Variants in LARP1 observed in about 807,000 individuals in gnomAD.
LARP1 encodes the protein la-related protein 1.
A neutral mutation model predicts 122.7 loss-of-function variants in LARP1; 36 were observed. That is an observed-to-expected ratio of 0.29 (90% CI 0.22 to 0.39). The LOEUF (loss-of-function observed/expected upper bound fraction) is 0.39. Among genes scored for constraint, LARP1 ranks in the 10% least tolerant of loss-of-function variants. The pLI, the probability that LARP1 is intolerant of heterozygous loss-of-function variation, is 1.00. For missense variants in LARP1, 1,040 were observed against 1,403.6 expected, an observed-to-expected ratio of 0.74 and a Z score of 4.14; for synonymous variants, 539 against 528.7, an observed-to-expected ratio of 1.02 and a Z score of -0.27.
chr5:154,786,666 A>C, intron 1 of LARP1: 1 of 312,854 alleles, frequency 3.2e-6, no homozygotes, highest in Non-Finnish European at 6.5e-6. Flanking sequence ...AAGGCTTTTG[A>C]CCCATTCCTC....
chr5:154,814,127 G>A lies in LARP1; in HGVS notation c.*31G>A. The A allele has an allele frequency of 8.7e-6, 14 of 1,601,534 alleles. No homozygotes were observed. Among genetic ancestry groups the A allele is most frequent in the Non-Finnish European group, 1.2e-5 (14 of 1,170,838 alleles). On this transcript the variant is annotated 3_prime_UTR_variant, in exon 19 of 19. Transcript: ENST00000518297. Reference sequence around the variant, plus strand: ...TCCTTAGCCCTGGGGCTTGAGGGGGGAAAGGGGTAGGGTGGGTAAGAGTCC... The same window carrying A: ...TCCTTAGCCCTGGGGCTTGAGGGGGAAAAGGGGTAGGGTGGGTAAGAGTCC...
At chr5:154,711,931 A>G (rs962527030), upstream of LARP1, among the ~76,000 whole-genome samples, 48 of 152,230 alleles carry the variant, frequency 3.2e-4, no homozygotes, top group African/African-American at 1.1e-3. Context: ...GGGCCTCCTG[A>G]CCACATCATT....
At chr5:154,710,551 G>A (rs1207209426), upstream of LARP1, among the ~76,000 whole-genome samples, 1 of 151,988 alleles carries the variant, frequency 6.6e-6, no homozygotes, top group Admixed American at 6.6e-5. Flanking sequence ...AGACCAGCCT[G>A]ACCGACATGG....
At chr5:154,704,988 T>C (rs906049715) in intron 1 of LARP1, among the ~76,000 whole-genome samples, 3 of 150,656 alleles carry the variant, frequency 2.0e-5, no homozygotes, top group African/African-American at 7.3e-5. Flanking sequence ...CCTGGTGGCA[T>C]GCGCCTGTAA....
chr5:154,795,439 C>G (rs1349889639), intron 8 of LARP1, 120 bp downstream of exon 8: 4 of 969,648 alleles, frequency 4.1e-6, no homozygotes, highest in African/African-American at 1.6e-5. Context: ...GCTGAAGTCT[C>G]AAGGCTTGGC....
chr5:154,699,335 T>G (rs1582157550), intron 1 of LARP1, among the ~76,000 whole-genome samples: 1 of 152,102 alleles, frequency 6.6e-6, no homozygotes, highest in Non-Finnish European at 1.5e-5. Context: ...AGATTCAAAT[T>G]TTGTAAGACT....
At chr5:154,713,071 C>T in exon 1 of LARP1, 2 of 1,614,128 alleles carry the variant, frequency 1.2e-6, no homozygotes, top group Non-Finnish European at 1.7e-6. Context: ...AGGAAGGAGC[C>T]CACAGGTGAC....
intron 1 of LARP1, among the ~76,000 whole-genome samples, chr5:154,747,489 C>T (rs1753257801): frequency 6.6e-6 from 1 of 151,336 alleles, no homozygotes; most frequent in African/African-American, 2.4e-5. Flanking sequence ...GGTGGATCAC[C>T]TGAGGTCGGG....
intron 1 of LARP1, among the ~76,000 whole-genome samples, chr5:154,745,311 T>C (rs1165244264): frequency 6.6e-6 from 1 of 152,228 alleles, no homozygotes; most frequent in Non-Finnish European, 1.5e-5. Context: ...TTTCTGAGCC[T>C]CAGTGTCCTC....
At position 154,802,573 on chromosome 5, in the gene LARP1, G is replaced by A. The variant is rs970903018; in HGVS notation, c.2109+174G>A. 2.2e-4 allele frequency among the ~76,000 whole-genome samples: 33 copies of A among 152,320 alleles called. No homozygotes were observed. The highest frequency in any genetic ancestry group is 7.7e-4 in the African/African-American group (32 of 41,568). ...CATCTAGCTTGGGCATTAGGAGTGA[G>A]GGGTGATGTGTAAACACTGCAAACT... On this transcript the variant is annotated intron_variant, in intron 11 of 18. Transcript: ENST00000518297. This position sits in a 1 kb window ranked among gnomAD's most constrained non-coding sequence, Gnocchi z 5.1.
At chr5:154,765,083 G>A (rs1754824241) in intron 1 of LARP1, among the ~76,000 whole-genome samples, 1 of 152,082 alleles carries the variant, frequency 6.6e-6, no homozygotes, top group Admixed American at 6.5e-5. Context: ...TCTTAGCAGA[G>A]TAAAATTCAG....
In LARP1 at chr5:154,803,258, A is replaced by G. The variant is rs1280502380; in HGVS notation, c.2110-32A>G. ...AGGCTAGAGCAGCCTGCTTACTTAC[A>G]TCTTTCCCCACTCATCTCATGACCT... On this transcript the variant is annotated intron_variant, in intron 11 of 18. Transcript: ENST00000518297. This position sits in a 1 kb window ranked among gnomAD's most constrained non-coding sequence, Gnocchi z 4.4. The G allele has an allele frequency of 2.5e-6, 4 of 1,614,060 alleles. No homozygotes were observed. The highest frequency in any genetic ancestry group is 4.5e-5 in the East Asian group (2 of 44,872).
intron 15 of LARP1, among the ~76,000 whole-genome samples, chr5:154,806,976 C>T (rs1032920465): frequency 6.6e-6 from 1 of 152,188 alleles, no homozygotes; most frequent in African/African-American, 2.4e-5. Context: ...ATGCAAACTA[C>T]TCCCCACCCC....
chr5:154,778,921 A>G (rs1179207232), intron 1 of LARP1, among the ~76,000 whole-genome samples: 1 of 152,180 alleles, frequency 6.6e-6, no homozygotes, highest in Non-Finnish European at 1.5e-5. Flanking sequence ...CCAGTATTGC[A>G]TGGGACATAT....
At chr5:154,716,222 C>T (rs1038841037) in intron 1 of LARP1, among the ~76,000 whole-genome samples, 25 of 152,112 alleles carry the variant, frequency 1.6e-4, no homozygotes, top group African/African-American at 5.3e-4. Flanking sequence ...CGGGCTCAAG[C>T]GATTCTTGTG....
At chr5:154,813,690 C>G (rs972227717) in intron 18 of LARP1, among the ~76,000 whole-genome samples, 197 bp from the exon 19 acceptor site, 16 of 152,186 alleles carry the variant, frequency 1.1e-4, no homozygotes, top group Admixed American at 7.2e-4. Flanking sequence ...TGATGCTGAC[C>G]CCATGAGAGA....
At chr5:154,797,062 AG>A (rs1757921117) in intron 8 of LARP1, among the ~76,000 whole-genome samples, 1 of 152,132 alleles carries the variant, frequency 6.6e-6, no homozygotes. Context: ...CACTTTTAAA[AG>A]GAATTCTAGT....
Position 154,733,554 on chromosome 5 carries a change from C to G in LARP1, c.205+20424C>G, listed in dbSNP as rs527336169. 1.1e-4 allele frequency among the ~76,000 whole-genome samples: 12 copies of G among 109,780 alleles called. No individual in the cohort carries two copies. The South Asian group carries it at 4.3e-3, about 39-fold the overall frequency. 72.0% of individuals were successfully genotyped at this position (109,780 alleles called of 152,430 possible). A position where few individuals can be genotyped will look rare whatever the true frequency, so the allele number is the denominator to read the frequency against. ...ATATAACCTCTGTTTTTTCTTTTAT[C>G]TTTTCTTTCTTTCTTTTTTTTTTTT... On this transcript the variant is annotated intron_variant, in intron 1 of 18. Coordinates refer to the LARP1 transcript ENST00000336314.
At position 154,795,264 on chromosome 5, in the gene LARP1, T is replaced by C; in HGVS notation, c.1322T>C (p.Ile441Thr). ...DADGFLPITL[I>T]ASFHRVQALT... The stretch of plus-strand genomic sequence containing the variant: ...GATGGTTTCCTACCCATCACCCTTA[T>C]TGCTTCCTTCCACCGAGTGCAGGCC... The change falls in exon 8 of 19, where the codon ATT (isoleucine) becomes ACT (threonine). Residue 441 changes from isoleucine to threonine, a missense_variant. Ile to Thr is a moderately conservative substitution (Grantham distance 89). Transcript: ENST00000518297. 6.2e-7 allele frequency: 1 copy of C among 1,614,048 alleles called. No individual in the cohort carries two copies. The highest frequency in any genetic ancestry group is 1.1e-5 in the South Asian group (1 of 91,082).
Sources: gnomAD v4.1 joint callset for allele counts (sites outside exome capture counted in the v4.1 genomes callset) on GRCh38, gnomAD v4.1.1 for gene constraint, Gnocchi (gnomAD v3.1) non-coding constraint, MANE v1.5 for transcripts, NCBI Gene and HGNC (gene_info 2026-07-23, HGNC 2026-07-21) for gene names.